PXT1: variants seen among roughly 807,000 people sequenced by gnomAD.
PXT1 encodes peroxisomal testis enriched protein 1, also known as peroxisomal testis-specific protein 1.
A neutral mutation model predicts 11.0 loss-of-function variants in PXT1; 11 were observed. That is an observed-to-expected ratio of 1.00 (90% CI 0.63 to 1.66). The LOEUF is 1.66. Ranked by LOEUF, PXT1 falls within the 40% of genes most tolerant of loss-of-function variation. PXT1 has a pLI of 0.00. For missense variants in PXT1, 141 were observed against 155.5 expected, an observed-to-expected ratio of 0.91 and a Z score of 0.49; for synonymous variants, 43 against 51.4, an observed-to-expected ratio of 0.84 and a Z score of 0.70.
chr6:36,403,107 A>G (rs1774238048), intron 3 of PXT1, among the ~76,000 whole-genome samples: 1 of 151,994 alleles, frequency 6.6e-6, no homozygotes, highest in Non-Finnish European at 1.5e-5. Flanking sequence ...TGATCTGCCC[A>G]CTTCGGCCTC....
At chr6:36,429,495 C>CTTTTTTTT (rs1354588612) in intron 2 of PXT1, among the ~76,000 whole-genome samples, 1 of 120,974 alleles carries the variant, frequency 8.3e-6, no homozygotes, top group Non-Finnish European at 1.6e-5. Context: ...TTTCTTTTTT[C>CTTTTTTTT]TTTTTTTCTT....
intron 3 of PXT1, among the ~76,000 whole-genome samples, chr6:36,401,453 G>GA (rs780117147): frequency 1.1e-4 from 17 of 151,956 alleles, no homozygotes; most frequent in Non-Finnish European, 1.8e-4. Context: ...TGTCTCTACA[G>GA]AAAATTTAAA....
intron 3 of PXT1, among the ~76,000 whole-genome samples, chr6:36,415,197 C>G (rs1188508679): frequency 6.6e-6 from 1 of 152,130 alleles, no homozygotes; most frequent in East Asian, 1.9e-4. Flanking sequence ...AATCCCAGCA[C>G]TTTGGGAGGC....
chr6:36,400,226 T>A (rs986618658), intron 4 of PXT1, among the ~76,000 whole-genome samples: 1 of 152,170 alleles, frequency 6.6e-6, no homozygotes, highest in African/African-American at 2.4e-5. Context: ...TCTAATCAAG[T>A]GATGCTGATG....
rs559914646 is a variant in PXT1, at chr6:36,420,118, G to A, written c.169+5796C>T. 2.0e-5 allele frequency among the ~76,000 whole-genome samples: 3 copies of A among 152,298 alleles called. No homozygotes were observed. The South Asian group carries it at 6.2e-4, about 32-fold the overall frequency. Reference sequence around the variant, plus strand: ...TCAGCCACTGTTGTAAAAGCCTGGAGATACTCTCACAATTGCTGGTGGGAA... The same window carrying A: ...TCAGCCACTGTTGTAAAAGCCTGGAAATACTCTCACAATTGCTGGTGGGAA... On this transcript the variant is annotated intron_variant, in intron 3 of 4. Transcript: ENST00000454782.
intron 1 of PXT1, among the ~76,000 whole-genome samples, chr6:36,439,481 C>T (rs554536424): frequency 3.8e-4 from 58 of 151,562 alleles, no homozygotes; most frequent in African/African-American, 1.2e-3. Flanking sequence ...GGCATAATGG[C>T]GCATGCCTGT....
At chr6:36,409,609 T>C (rs1264994175) in intron 3 of PXT1, among the ~76,000 whole-genome samples, 1 of 152,002 alleles carries the variant, frequency 6.6e-6, no homozygotes, top group Non-Finnish European at 1.5e-5. Flanking sequence ...GAGGATCACT[T>C]GAGGCCAGGA....
chr6:36,412,013 T>A (rs909667239), intron 3 of PXT1, among the ~76,000 whole-genome samples: 1 of 151,962 alleles, frequency 6.6e-6, no homozygotes, highest in Non-Finnish European at 1.5e-5. Context: ...TGAAAGAAAA[T>A]AATGTTTTGC....
At chr6:36,397,352 G>T (rs999506421) in intron 4 of PXT1, among the ~76,000 whole-genome samples, 1 of 152,124 alleles carries the variant, frequency 6.6e-6, no homozygotes, top group Non-Finnish European at 1.5e-5. Flanking sequence ...GAGGTGGGAC[G>T]ATCTCTGGAG....
intron 3 of PXT1, among the ~76,000 whole-genome samples, chr6:36,404,832 C>T (rs543027600): frequency 1.3e-5 from 2 of 152,160 alleles, no homozygotes; most frequent in East Asian, 1.9e-4. Flanking sequence ...GTGGCATGCA[C>T]TTGTAATCCC....
rs752582878 is a variant in PXT1 at position 36,400,535 on chromosome 6, A to C, written c.219T>G (p.His73Gln). Residue 73 changes from histidine (H) to glutamine (Q), a missense_variant, in exon 4 of 5, where the codon CAT becomes CAG. His to Gln is a conservative substitution (Grantham distance 24, BLOSUM62 0). Transcript: ENST00000454782. ...ACTTGTGAATTATTTCCTCCTGGTG[A>C]TGCTTCTGAACAATGCTATGCTCCT... ...QPKEHSIVQK[H>Q]HQEEIIHKLA... The C allele has an allele frequency of 1.7e-5, 27 of 1,613,826 alleles. No homozygotes were observed. In the African/African-American group the frequency reaches 3.3e-4, roughly 20 times the overall value.
intron 4 of PXT1, among the ~76,000 whole-genome samples, chr6:36,395,830 T>C (rs1290470677): frequency 1.3e-5 from 2 of 151,828 alleles, no homozygotes; most frequent in African/African-American, 4.8e-5. Flanking sequence ...TGAAATCCTG[T>C]CTCTACAAAA....
intron 2 of PXT1, among the ~76,000 whole-genome samples, chr6:36,427,471 A>G (rs1774624819): frequency 6.6e-6 from 1 of 152,232 alleles, no homozygotes; most frequent in African/African-American, 2.4e-5. Flanking sequence ...TGCTAAGATA[A>G]TAGAGGTGGA....
intron 3 of PXT1, among the ~76,000 whole-genome samples, chr6:36,425,042 C>T (rs1009926278): frequency 4.6e-5 from 7 of 152,206 alleles, no homozygotes; most frequent in African/African-American, 1.4e-4. Flanking sequence ...TAATCCCTCT[C>T]AGGTATCTAG....
At chr6:36,419,613 A>C (rs1478828701) in intron 3 of PXT1, among the ~76,000 whole-genome samples, 1 of 152,244 alleles carries the variant, frequency 6.6e-6, no homozygotes, top group African/African-American at 2.4e-5. Context: ...TATCTATTTC[A>C]TAACTCTAAG....
intron 3 of PXT1, among the ~76,000 whole-genome samples, chr6:36,404,927 A>G (rs141472134): frequency 0.013 from 1,965 of 152,296 alleles, 41 homozygotes; most frequent in African/African-American, 0.044. Context: ...ACTGGACTCT[A>G]GCCTGGGCAA....
At chr6:36,397,531 A>G (rs1475981031) in intron 4 of PXT1, among the ~76,000 whole-genome samples, 2 of 152,240 alleles carry the variant, frequency 1.3e-5, no homozygotes, top group East Asian at 1.9e-4. Context: ...TGGATCAAAG[A>G]TCTAAATTTA....
intron 4 of PXT1, among the ~76,000 whole-genome samples, chr6:36,392,388 A>C (rs1774082022): frequency 6.6e-6 from 1 of 152,146 alleles, no homozygotes; most frequent in Admixed American, 6.6e-5. Context: ...TGGAGAGAAG[A>C]CTGGGCATGG....
chr6:36,441,124 A>G (rs1444017620), intron 1 of PXT1, among the ~76,000 whole-genome samples: 3 of 151,982 alleles, frequency 2.0e-5, no homozygotes, highest in Non-Finnish European at 4.4e-5. Context: ...AAAAAAAAAA[A>G]AAAAGAAAGA....
Sources: allele counts gnomAD v4.1 joint callset (sites outside exome capture counted in the v4.1 genomes callset), GRCh38; gene constraint gnomAD v4.1.1; transcripts MANE v1.5; gene names NCBI Gene and HGNC (gene_info 2026-07-23, HGNC 2026-07-21).